MUC17: variants seen among roughly 807,000 people sequenced by gnomAD.
MUC17 encodes mucin 17, cell surface associated.
MUC17 carries 190 observed loss-of-function variants against 170.3 expected under a neutral mutation model. The observed-to-expected ratio is 1.12, with a 90% CI of 0.99 to 1.26. MUC17 has a LOEUF of 1.26. MUC17 is among the 50% of genes most tolerant of loss of function. The pLI is 0.00. For missense variants in MUC17, 6,415 were observed against 5,530.0 expected, an observed-to-expected ratio of 1.16 and a Z score of -5.08; for synonymous variants, 2,325 against 2,002.5, an observed-to-expected ratio of 1.16 and a Z score of -4.30.
At chr7:101,049,007 A>C in intron 5 of MUC17, 35 bp downstream of exon 5, 1 of 1,613,694 alleles carries the variant, frequency 6.2e-7, no homozygotes, top group African/African-American at 1.3e-5. Flanking sequence ...ATAGCTACTC[A>C]GTTCCCCCCA....
Position 101,043,926 on chromosome 7 carries a change from G to A in MUC17, c.12403+107G>A, listed in dbSNP as rs1794788285. The A allele has an allele frequency of 3.8e-6, 4 of 1,053,480 alleles. No individual in the cohort carries two copies. The South Asian group carries it at 6.4e-5, about 17-fold the overall frequency. The allele number at this position is 1,053,480 out of a possible 1,614,324, so 65.3% of individuals were successfully genotyped here. A position where few individuals can be genotyped will look rare whatever the true frequency, so the allele number is the denominator to read the frequency against. Reference sequence around the variant, plus strand: ...TACCTATGTATACGTGTGCCATGTTGGTTTGCTGCACCCATTAACTCATCA... The same window carrying A: ...TACCTATGTATACGTGTGCCATGTTAGTTTGCTGCACCCATTAACTCATCA... On this transcript the variant is annotated intron_variant, in intron 3 of 12. Coordinates refer to ENST00000306151, the MANE Select transcript of MUC17 (RefSeq NM_001040105.2).
rs377002828 is a variant in MUC17 at position 101,035,317 on chromosome 7, A to T, written c.3901A>T (p.Thr1301Ser). ...TCCTGAGGCTAGCACCCTTTTAACA[A>T]CTCCTGTTGACACTAAAGGTCCTGT... Reference protein sequence around the residue: ...TSPEASTLLTTPVDTKGPVVT... With the variant: ...TSPEASTLLTSPVDTKGPVVT... The change falls in exon 3 of 13, where the codon ACT (threonine) becomes TCT (serine). Residue 1301 changes from threonine (T) to serine (S), a missense_variant. Physicochemically the swap from Thr to Ser is moderately conservative, Grantham distance 58. Coordinates refer to ENST00000306151, the MANE Select transcript of MUC17 (RefSeq NM_001040105.2). The T allele has an allele frequency of 6.2e-7, 1 of 1,609,450 alleles. No homozygotes were observed.
At chr7:101,030,387 G>C (rs1440207342) in intron 1 of MUC17, among the ~76,000 whole-genome samples, 4 of 151,924 alleles carry the variant, frequency 2.6e-5, no homozygotes, top group African/African-American at 9.7e-5. Flanking sequence ...ACCATGCCCA[G>C]CTAATTTTTG....
Position 101,032,151 on chromosome 7 carries a change from A to T in MUC17, c.735A>T (p.Thr245=), listed in dbSNP as rs890060564. 6.2e-7 allele frequency: 1 copy of T among 1,613,378 alleles called. No homozygotes were observed. Among genetic ancestry groups the T allele is most frequent in the East Asian group, 2.2e-5 (1 of 44,814 alleles). Residue 245 remains threonine (T), a synonymous_variant, in exon 3 of 13, where the codon ACA becomes ACT. Transcript: ENST00000306151. ...TLLTTPVEIS[T]PVTISAQASS... ...TGACAACTCCTGTTGAAATCAGCACACCTGTGACCATTTCTGCTCAAGCCA... is the reference window on the plus strand; with the variant it reads ...TGACAACTCCTGTTGAAATCAGCACTCCTGTGACCATTTCTGCTCAAGCCA...
At chr7:101,055,904 C>G (rs1795036108) in intron 11 of MUC17, among the ~76,000 whole-genome samples, 1 of 151,848 alleles carries the variant, frequency 6.6e-6, no homozygotes, top group African/African-American at 2.4e-5. Context: ...TTTCAAGTGT[C>G]TAAATAATGT....
intron 9 of MUC17, 21 bp downstream of exon 9, chr7:101,051,983 TCCAGC>T: frequency 6.2e-7 from 1 of 1,602,480 alleles, no homozygotes; most frequent in Non-Finnish European, 8.5e-7. Context: ...CCCCATCTCC[TCCAGC>T]CCAGCCCAGA....
chr7:101,051,983 T>TCCAGC (rs1794956279), intron 9 of MUC17, 21 bp downstream of exon 9: 1 of 1,602,480 alleles, frequency 6.2e-7, no homozygotes, highest in Non-Finnish European at 8.5e-7. Context: ...CCCCATCTCC[T>TCCAGC]CCAGCCCAGC....
At chr7:101,029,871 T>C (rs896648947) in intron 1 of MUC17, among the ~76,000 whole-genome samples, 3 of 152,128 alleles carry the variant, frequency 2.0e-5, no homozygotes, top group Non-Finnish European at 2.9e-5. Flanking sequence ...AATGCTGAGA[T>C]TACAGGCGTG....
chr7:101,051,671 C>T lies in MUC17; in HGVS notation c.12933C>T (p.Tyr4311=), dbSNP rs145093871. Residue 4311 remains tyrosine, a synonymous_variant, in exon 8 of 13, where the codon TAC becomes TAT. Transcript: ENST00000306151. ...TQVQNITVTQ[Y]DPEEDCRKMA... ...TGCAAAACATTACGGTGACCCAGTA[C>T]GACCCTGAAGGTAGGTGATAACACA... 148 of 1,611,694 alleles carry T rather than the reference C, an allele frequency of 9.2e-5. No homozygotes were observed. The highest frequency in any genetic ancestry group is 7.5e-5 in the Non-Finnish European group (88 of 1,179,390).
intron 1 of MUC17, among the ~76,000 whole-genome samples, chr7:101,021,798 G>A (rs1328790584): frequency 6.6e-6 from 1 of 152,118 alleles, no homozygotes; most frequent in Non-Finnish European, 1.5e-5. Flanking sequence ...CCCTTCTCCA[G>A]GGACCCAGAG....
Position 101,036,724 on chromosome 7 carries a change from T to A in MUC17, c.5308T>A (p.Ser1770Thr). 6.2e-6 allele frequency: 10 copies of A among 1,612,636 alleles called. No homozygotes were observed. Among genetic ancestry groups the A allele is most frequent in the East Asian group, 2.2e-5 (1 of 44,774 alleles). Residue 1770 changes from serine to threonine, a missense_variant, in exon 3 of 13, where the codon TCA becomes ACA. Coordinates refer to ENST00000306151, the MANE Select transcript of MUC17 (RefSeq NM_001040105.2). Reference protein sequence around the residue: ...PVLSSEASTLSATPIDTSTPV... With the variant: ...PVLSSEASTLTATPIDTSTPV... ...ACTCAGTTCTGAGGCTAGCACCCTT[T>A]CAGCAACTCCTATTGACACCAGCAC...
At chr7:101,045,509 T>C (rs1794824394) in intron 3 of MUC17, among the ~76,000 whole-genome samples, 1 of 152,042 alleles carries the variant, frequency 6.6e-6, no homozygotes, top group South Asian at 2.1e-4. Flanking sequence ...TTCTCTCACC[T>C]CAACCTCCCA....
In MUC17 at chr7:101,041,988, C is replaced by T. The variant is rs756916247; in HGVS notation, c.10572C>T (p.Val3524=). 1.9e-6 allele frequency: 3 copies of T among 1,613,636 alleles called. No homozygotes were observed. Among genetic ancestry groups the T allele is most frequent in the Non-Finnish European group, 2.5e-6 (3 of 1,179,614 alleles). The change falls in exon 3 of 13, where the codon GTC becomes GTT. Residue 3524 remains valine, a synonymous_variant. Coordinates refer to ENST00000306151, the MANE Select transcript of MUC17 (RefSeq NM_001040105.2). ...GCACTCCATTAACAAATATGCCTGT[C>T]AGCACCACACCGGTGGCCAGTTCTG... ...EGSTPLTNMP[V]STTPVASSEA... is the part of the protein sequence containing the mutation.
Position 101,031,751 on chromosome 7 carries a change from C to A in MUC17, c.335C>A (p.Pro112Gln). The A allele has an allele frequency of 6.2e-7, 1 of 1,606,704 alleles. No individual in the cohort carries two copies. The highest frequency in any genetic ancestry group is 8.5e-7 in the Non-Finnish European group (1 of 1,173,228). ...GGTGTCTCCAGTACCAGGATGACAC[C>A]AACAGAATCCAGAACAACTTCAGAA... ...TPGVSSTRMT[P>Q]TESRTTSEST... The change falls in exon 3 of 13, where the codon CCA becomes CAA. Residue 112 changes from proline to glutamine, a missense_variant. Transcript: ENST00000306151.
Position 101,036,909 on chromosome 7 carries a change from T to G in MUC17, c.5493T>G (p.Thr1831=), listed in dbSNP as rs773466786. The G allele has an allele frequency of 1.2e-6, 2 of 1,612,790 alleles. No individual in the cohort carries two copies. The highest frequency in any genetic ancestry group is 3.3e-5 in the Admixed American group (2 of 59,988). Residue 1831 remains threonine (T), a synonymous_variant, in exon 3 of 13, where the codon ACT becomes ACG. Coordinates refer to ENST00000306151, the MANE Select transcript of MUC17 (RefSeq NM_001040105.2). ...ANSEASTLST[T]PVDSNSPVVT... is the part of the protein sequence containing the mutation. Reference sequence around the variant, plus strand: ...CTGAGGCTAGCACCCTTTCAACAACTCCTGTTGACTCTAACAGTCCTGTGG... The same window carrying G: ...CTGAGGCTAGCACCCTTTCAACAACGCCTGTTGACTCTAACAGTCCTGTGG...
Position 101,036,926 on chromosome 7 carries a change from G to A in MUC17, c.5510G>A (p.Ser1837Asn). 2 of 1,611,628 alleles carry A rather than the reference G, an allele frequency of 1.2e-6. No individual in the cohort carries two copies. Among genetic ancestry groups the A allele is most frequent in the Non-Finnish European group, 1.7e-6 (2 of 1,178,926 alleles). ...TLSTTPVDSNSPVVTSTAVSS... is the reference protein window; with the variant it reads ...TLSTTPVDSNNPVVTSTAVSS... The stretch of plus-strand genomic sequence containing the variant: ...TCAACAACTCCTGTTGACTCTAACA[G>A]TCCTGTGGTCACTTCTACAGCAGTC... The change falls in exon 3 of 13, where the codon AGT becomes AAT. Residue 1837 changes from serine to asparagine, a missense_variant. Ser to Asn is a conservative substitution (Grantham distance 46). Transcript: ENST00000306151.
At chr7:101,027,675 A>G (rs1180315411) in intron 1 of MUC17, among the ~76,000 whole-genome samples, 1 of 152,066 alleles carries the variant, frequency 6.6e-6, no homozygotes, top group African/African-American at 2.4e-5. Flanking sequence ...CTTTCTTCAC[A>G]TATTTTTTAG....
intron 5 of MUC17, 51 bp from the exon 6 acceptor site, chr7:101,049,273 G>A (rs746777971): frequency 3.1e-6 from 5 of 1,613,360 alleles, no homozygotes; most frequent in African/African-American, 2.7e-5. Flanking sequence ...ATGTCCCACA[G>A]AACGGCCCCG....
rs1009531903 is a variant in MUC17, at chr7:101,058,138, A to G, written c.*94A>G. On this transcript the variant is annotated 3_prime_UTR_variant, in exon 13 of 13. Coordinates refer to ENST00000306151, the MANE Select transcript of MUC17 (RefSeq NM_001040105.2). ...ATTGAGAGCCTTCCATGGGAACTCA[A>G]TGTTCCCATTGTAAGTACAGGAAAC... The G allele has an allele frequency of 1.3e-5, 15 of 1,116,178 alleles. No homozygotes were observed. In the South Asian group the frequency reaches 1.4e-4, roughly 10 times the overall value. The allele number at this position is 1,116,178 out of a possible 1,614,324, so 69.1% of individuals were successfully genotyped here. A position where few individuals can be genotyped will look rare whatever the true frequency, so the allele number is the denominator to read the frequency against.
Sources: gnomAD v4.1 joint callset for allele counts (sites outside exome capture counted in the v4.1 genomes callset) on GRCh38, gnomAD v4.1.1 for gene constraint, MANE v1.5 for transcripts, NCBI Gene and HGNC (gene_info 2026-07-23, HGNC 2026-07-21) for gene names.